The following GSAP variants were observed in gnomAD, a reference collection of about 807,000 sequenced individuals.
GSAP encodes gamma-secretase-activating protein.
Under a neutral mutation model 131.7 loss-of-function variants are expected in GSAP, and 118 were observed. The observed-to-expected ratio is 0.90, with a 90% CI of 0.77 to 1.04. The LOEUF is 1.04. GSAP is among the 50% of genes least tolerant of loss of function. The probability of loss-of-function intolerance (pLI) is 0.00; values close to 1 mark genes in which losing one functional copy is unlikely to be tolerated. For synonymous variants in GSAP, 381 were observed against 363.4 expected, an observed-to-expected ratio of 1.05 and a Z score of -0.55; for missense variants, 1,019 against 1,013.2, an observed-to-expected ratio of 1.01 and a Z score of -0.08.
chr7:77,410,847 T>C (rs1803133835), intron 1 of GSAP, among the ~76,000 whole-genome samples: 1 of 152,162 alleles, frequency 6.6e-6, no homozygotes, highest in African/African-American at 2.4e-5. Context: ...TAGTTCCTAA[T>C]ACATACATCA....
chr7:77,388,873 T>A (rs914051507), intron 5 of GSAP, among the ~76,000 whole-genome samples: 5 of 152,212 alleles, frequency 3.3e-5, no homozygotes. Context: ...AGACAGTAAG[T>A]GAGTTATTAT....
At chr7:77,411,528 C>T (rs1056204733) in intron 1 of GSAP, among the ~76,000 whole-genome samples, 1 of 151,884 alleles carries the variant, frequency 6.6e-6, no homozygotes, top group Non-Finnish European at 1.5e-5. Flanking sequence ...ATGAGAGCAA[C>T]AAAAAAATAA....
At chr7:77,397,191 C>T (rs2095196518) in intron 4 of GSAP, among the ~76,000 whole-genome samples, 155 bp downstream of exon 4, 1 of 152,176 alleles carries the variant, frequency 6.6e-6, no homozygotes, top group South Asian at 2.1e-4. Flanking sequence ...GGTATATCCT[C>T]TACATTCTTT....
Position 77,375,069 on chromosome 7 carries a change from G to C in GSAP, c.774C>G (p.Asn258Lys). The change falls in exon 11 of 31, where the codon AAC becomes AAG. Residue 258 changes from asparagine (N) to lysine (K), a missense_variant. Transcript: ENST00000257626. Reference protein sequence around the residue: ...FEVPLDISLSNSGFKLVNFGC... With the variant: ...FEVPLDISLSKSGFKLVNFGC... ...TATGAATAACTTACTTAAATCCTGAGTTGCTTAATGATATGTCCAAGGGTA... is the reference window on the plus strand; with the variant it reads ...TATGAATAACTTACTTAAATCCTGACTTGCTTAATGATATGTCCAAGGGTA... 1 of 1,537,370 alleles carries C rather than the reference G, an allele frequency of 6.5e-7. No individual in the cohort carries two copies. The highest frequency in any genetic ancestry group is 1.2e-5 in the South Asian group (1 of 86,526).
chr7:77,388,537 C>G (rs1373208913), intron 5 of GSAP, among the ~76,000 whole-genome samples: 1 of 152,116 alleles, frequency 6.6e-6, no homozygotes, highest in Non-Finnish European at 1.5e-5. Flanking sequence ...CCAAAGATAT[C>G]TAAATTTAGG....
chr7:77,339,007 T>A (rs1210003425), intron 19 of GSAP, among the ~76,000 whole-genome samples: 2 of 152,040 alleles, frequency 1.3e-5, no homozygotes, highest in African/African-American at 4.8e-5. Flanking sequence ...TCAGAGTAAA[T>A]AGGGGTACCT....
rs758302470 is a variant in GSAP, at chr7:77,375,106, C to CA, written c.742-6dup. The stretch of plus-strand genomic sequence containing the variant: ...TATGTCCAAGGGTACTTCAAACTGT[C>CA]AAAAAAATCAAAGAAAATGAACCCA... On this transcript the variant is annotated splice_polypyrimidine_tract_variant and splice_region_variant and intron_variant, in intron 10 of 30. Coordinates refer to ENST00000257626, the MANE Select transcript of GSAP (RefSeq NM_017439.4). 1.9e-5 allele frequency: 30 copies of CA among 1,543,262 alleles called. No individual in the cohort carries two copies. The highest frequency in any genetic ancestry group is 8.9e-5 in the Admixed American group (5 of 56,276).
intron 16 of GSAP, among the ~76,000 whole-genome samples, chr7:77,354,124 C>G (rs570487466): frequency 2.6e-5 from 4 of 152,274 alleles, no homozygotes; most frequent in African/African-American, 7.2e-5. Flanking sequence ...ACCATCAACT[C>G]GCTCATCTCC....
intron 28 of GSAP, among the ~76,000 whole-genome samples, chr7:77,312,702 GTAA>G (rs1298680264): frequency 2.6e-5 from 4 of 152,186 alleles, no homozygotes; most frequent in African/African-American, 9.7e-5. Flanking sequence ...CTTTGCTTCA[GTAA>G]GCCTGTGAGT....
At chr7:77,328,154 C>T (rs1788575954) in intron 22 of GSAP, 8 of 947,210 alleles carry the variant, frequency 8.4e-6, no homozygotes, top group Non-Finnish European at 1.0e-5. Context: ...CCCCCAGAAC[C>T]ACACTGCTTA....
At chr7:77,326,867 C>A (rs958688844) in intron 22 of GSAP, 1 of 152,232 alleles carries the variant, frequency 6.6e-6, no homozygotes, top group African/African-American at 2.4e-5. Flanking sequence ...TAGGGGCAGA[C>A]AAACCCAGTC....
intron 26 of GSAP, among the ~76,000 whole-genome samples, chr7:77,319,067 A>G (rs1163770134): frequency 6.6e-6 from 1 of 152,162 alleles, no homozygotes. Context: ...AAGTATAATA[A>G]TAAAAATATA....
intron 5 of GSAP, among the ~76,000 whole-genome samples, chr7:77,394,371 G>C (rs1276441058): frequency 6.6e-6 from 1 of 152,126 alleles, no homozygotes; most frequent in Non-Finnish European, 1.5e-5. Flanking sequence ...ATGACTGTTT[G>C]ATCTGCCAGA....
chr7:77,359,494 C>T (rs1364082325), intron 14 of GSAP, among the ~76,000 whole-genome samples: 1 of 151,966 alleles, frequency 6.6e-6, no homozygotes, highest in Non-Finnish European at 1.5e-5. Flanking sequence ...TCAATATAAG[C>T]CCATTTTAAT....
At position 77,314,558 on chromosome 7, in the gene GSAP, AG is replaced by A. The variant is rs558870295; in HGVS notation, c.2090-70del. ...TCCAGCAGCCCCCGGGGAATGGATT[AG>A]ATCATGTTAATAAAGCACTTAGTTC... On this transcript the variant is annotated intron_variant, in intron 26 of 30. Coordinates refer to ENST00000257626, the MANE Select transcript of GSAP (RefSeq NM_017439.4). 1.8e-4 allele frequency: 279 copies of A among 1,575,494 alleles called. 2 individuals are homozygous for A. The African/African-American group carries it at 3.3e-3, about 19-fold the overall frequency.
At chr7:77,346,270 CAAA>C (rs1223497863) in intron 19 of GSAP, among the ~76,000 whole-genome samples, 2 of 40,900 alleles carry the variant, frequency 4.9e-5, no homozygotes, top group African/African-American at 2.0e-4. Context: ...GACTCCATCT[CAAA>C]AAAAAAAAAA....
At chr7:77,318,743 A>C (rs1787206209) in intron 26 of GSAP, among the ~76,000 whole-genome samples, 1 of 152,108 alleles carries the variant, frequency 6.6e-6, no homozygotes, top group Non-Finnish European at 1.5e-5. Flanking sequence ...AAGACCTGAA[A>C]CTGAAAAACC....
chr7:77,330,401 G>A, intron 19 of GSAP, 34 bp from the exon 20 acceptor site: 2 of 1,607,278 alleles, frequency 1.2e-6, no homozygotes, highest in Non-Finnish European at 1.7e-6. Flanking sequence ...GGCCTTCAGA[G>A]GCAGGCCCAG....
intron 19 of GSAP, 105 bp from the exon 20 acceptor site, chr7:77,330,472 A>G: frequency 1.4e-6 from 2 of 1,458,444 alleles, no homozygotes; most frequent in Admixed American, 2.6e-5. Flanking sequence ...CAGGGTCCAC[A>G]TTTCTGAGTG....
Sources: gnomAD v4.1 joint callset for allele counts (sites outside exome capture counted in the v4.1 genomes callset) on GRCh38, gnomAD v4.1.1 for gene constraint, MANE v1.5 for transcripts, NCBI Gene and HGNC (gene_info 2026-07-23, HGNC 2026-07-21) for gene names.